Variants in ANKRD36 observed in about 807,000 individuals in gnomAD.
ANKRD36 encodes ankyrin repeat domain-containing protein 36A.
In ANKRD36, 179 loss-of-function variants were observed where a neutral mutation model predicts 278.1. That is an observed-to-expected ratio of 0.64 (90% CI 0.57 to 0.73). The LOEUF (loss-of-function observed/expected upper bound fraction) is 0.73, where lower values mean the gene tolerates loss of function less well. Ranked by LOEUF, ANKRD36 falls within the 30% of genes least tolerant of loss-of-function variation. The pLI, the probability that ANKRD36 is intolerant of heterozygous loss-of-function variation, is 0.00. For synonymous variants in ANKRD36, 320 were observed against 641.1 expected, an observed-to-expected ratio of 0.50 and a Z score of 7.57; for missense variants, 1,159 against 1,956.7, an observed-to-expected ratio of 0.59 and a Z score of 7.69.
chr2:97,160,360 T>G (rs2048573090), intron 17 of ANKRD36, among the ~76,000 whole-genome samples: 1 of 152,172 alleles, frequency 6.6e-6, no homozygotes, highest in Non-Finnish European at 1.5e-5. Context: ...GGAATATTAC[T>G]TTTTACTTTT....
chr2:97,171,350 A>G lies in ANKRD36; in HGVS notation c.1633+3583A>G, dbSNP rs1386023295. On this transcript the variant is annotated intron_variant, in intron 22 of 75. Transcript: ENST00000420699. The stretch of plus-strand genomic sequence containing the variant: ...GATTAAGAAAATGTGGCACATATAC[A>G]CCATGGAATACTATGCAGCCATAAA... Among the ~76,000 whole-genome samples the G allele has an allele frequency of 6.7e-4, 99 of 147,390 alleles. 1 individual carries two copies. The South Asian group carries it at 0.02, about 29-fold the overall frequency.
chr2:97,169,155 T>C (rs892238036), intron 22 of ANKRD36, among the ~76,000 whole-genome samples: 2 of 152,292 alleles, frequency 1.3e-5, no homozygotes, highest in Non-Finnish European at 2.9e-5. Flanking sequence ...CCATTCTAAC[T>C]GGCATAAGAT....
rs1297127981 is a variant in ANKRD36, at chr2:97,171,449, G to A, written c.1633+3682G>A. ...CATCATTCTCAGTAAACTATCGCAAGAACAAAAAACCAAACACCGCATATT... is the reference window on the plus strand; with the variant it reads ...CATCATTCTCAGTAAACTATCGCAAAAACAAAAAACCAAACACCGCATATT... On this transcript the variant is annotated intron_variant, in intron 22 of 75. Coordinates refer to ENST00000420699, the MANE Select transcript of ANKRD36 (RefSeq NM_001354587.1). Among the ~76,000 whole-genome samples, 8 of 142,182 alleles carry A rather than the reference G, an allele frequency of 5.6e-5. No individual in the cohort carries two copies. The East Asian group carries it at 6.3e-4, about 11-fold the overall frequency. 93.3% of individuals were successfully genotyped at this position (142,182 alleles called of 152,430 possible). A position where few individuals can be genotyped will look rare whatever the true frequency, so the allele number is the denominator to read the frequency against.
intron 48 of ANKRD36, among the ~76,000 whole-genome samples, chr2:97,203,789 T>C (rs2062038739): frequency 6.6e-6 from 1 of 151,816 alleles, no homozygotes; most frequent in Non-Finnish European, 1.5e-5. Flanking sequence ...TCCTCATCAC[T>C]CGGCATATCC....
intron 58 of ANKRD36, chr2:97,212,947 G>C (rs887802973): frequency 5.6e-5 from 17 of 305,530 alleles, no homozygotes; most frequent in Non-Finnish European, 9.1e-5. Context: ...TTCAACTGAA[G>C]TGTCATTGTA....
In ANKRD36 at chr2:97,200,214, C is replaced by G; in HGVS notation, c.2756-120C>G. The stretch of plus-strand genomic sequence containing the variant: ...CTGATCCCCAGACACAAAGTAGAAG[C>G]CATCAAAGCCTCCACTAATACAAGC... On this transcript the variant is annotated intron_variant, in intron 44 of 75. Transcript: ENST00000420699. 16 of 1,569,718 alleles carry G rather than the reference C, an allele frequency of 1.0e-5. No individual in the cohort carries two copies. The South Asian group carries it at 1.7e-4, about 17-fold the overall frequency.
In ANKRD36 at chr2:97,113,804, C is replaced by T. The variant is rs780112252; in HGVS notation, c.65C>T (p.Ala22Val). ...LMERLCSDGF[A>V]FPQYPIKPYH... ...GAGCGCTTGTGCTCGGATGGCTTCG[C>T]ATTTCCCCAATACCCCATTAAACCG... Residue 22 changes from alanine (A) to valine (V), a missense_variant, in exon 1 of 76, where the codon GCA (alanine) becomes GTA (valine). Ala to Val is a moderately conservative substitution (Grantham distance 64). Coordinates refer to ENST00000420699, the MANE Select transcript of ANKRD36 (RefSeq NM_001354587.1). 2.1e-5 allele frequency: 34 copies of T among 1,612,878 alleles called. No homozygotes were observed. The highest frequency in any genetic ancestry group is 1.2e-4 in the South Asian group (11 of 90,916).
At position 97,209,875 on chromosome 2, in the gene ANKRD36, A is replaced by G. The variant is rs1299053427; in HGVS notation, c.3367+3A>G. On this transcript the variant is annotated splice_donor_region_variant and intron_variant, in intron 56 of 75. Transcript: ENST00000420699. ...GGATGGAGAAAAATCTAGGACAGGT[A>G]ATTTTGAAAACAGATTTAATGTCAT... is the stretch of plus-strand genomic sequence containing the variant. 6.4e-7 allele frequency: 1 copy of G among 1,573,564 alleles called. No individual in the cohort carries two copies. The highest frequency in any genetic ancestry group is 8.6e-7 in the Non-Finnish European group (1 of 1,163,088).
At chr2:97,198,314 C>A in intron 42 of ANKRD36, 149 bp from the exon 43 acceptor site, 1 of 1,479,914 alleles carries the variant, frequency 6.8e-7, no homozygotes. Flanking sequence ...ATTTCTGTCA[C>A]GTTCTAGTCC....
chr2:97,244,171 G>C, intron 70 of ANKRD36, 142 bp downstream of exon 70: 1 of 1,126,534 alleles, frequency 8.9e-7, no homozygotes. Context: ...GGCATTTATA[G>C]CTATAATTAT....
intron 42 of ANKRD36, 132 bp from the exon 43 acceptor site, chr2:97,198,331 A>G: frequency 6.6e-7 from 1 of 1,519,170 alleles, no homozygotes; most frequent in Non-Finnish European, 8.9e-7. Context: ...GTCCCCAGAC[A>G]CAAAGTAGAA....
chr2:97,209,546 G>C lies in ANKRD36; in HGVS notation c.3266-135G>C, dbSNP rs537851031. The C allele has an allele frequency of 2.6e-6, 4 of 1,541,808 alleles. 1 individual carries two copies. The African/African-American group carries it at 6.2e-5, about 24-fold the overall frequency. ...TATTTCTGTCATGTTCTGATCCCCA[G>C]ACACAAAGTAGAAGCCATCAAAGCC... is the stretch of plus-strand genomic sequence containing the variant. On this transcript the variant is annotated intron_variant, in intron 54 of 75. Transcript: ENST00000420699.
In ANKRD36 at chr2:97,180,693, A is replaced by C. The variant is rs2055922825; in HGVS notation, c.1735+760A>C. On this transcript the variant is annotated intron_variant, in intron 24 of 75. Transcript: ENST00000420699. ...AATACATTGGCTTCCTTGTTCAAGG[A>C]GCTAACTCTTGGATAAAATAGGTAT... Among the ~76,000 whole-genome samples, 2 of 151,676 alleles carry C rather than the reference A, an allele frequency of 1.3e-5. 1 individual carries two copies. The highest frequency in any genetic ancestry group is 4.2e-4 in the South Asian group (2 of 4,784).
intron 16 of ANKRD36, 108 bp from the exon 17 acceptor site, chr2:97,158,480 G>C: frequency 3.4e-6 from 4 of 1,187,106 alleles, no homozygotes; most frequent in Non-Finnish European, 4.7e-6. Context: ...GCCTGCATTG[G>C]CCCCCCAAAC....
At chr2:97,143,906 AATGTAGGCAC>A (rs2043554317) in intron 8 of ANKRD36, among the ~76,000 whole-genome samples, 1 of 152,078 alleles carries the variant, frequency 6.6e-6, no homozygotes, top group African/African-American at 2.4e-5. Context: ...GGATCCAAGA[AATGTAGGCAC>A]ATTATGACAC....
chr2:97,117,604 C>T (rs2153403815), intron 1 of ANKRD36, among the ~76,000 whole-genome samples: 1 of 152,090 alleles, frequency 6.6e-6, no homozygotes, highest in East Asian at 1.9e-4. Flanking sequence ...TACATCTAAT[C>T]TTTAATAGAT....
chr2:97,148,602 C>T (rs567108145), intron 11 of ANKRD36, among the ~76,000 whole-genome samples: 5 of 152,360 alleles, frequency 3.3e-5, no homozygotes, highest in African/African-American at 9.6e-5. Flanking sequence ...TATATAATGA[C>T]GATAATTGGA....
intron 46 of ANKRD36, among the ~76,000 whole-genome samples, chr2:97,200,809 T>TGG (rs1558720875): frequency 6.6e-6 from 1 of 151,916 alleles, no homozygotes; most frequent in Non-Finnish European, 1.5e-5. Flanking sequence ...GCTTTAATTC[T>TGG]GTAGCATCTT....
At chr2:97,179,522 A>G (rs2055486511) in intron 22 of ANKRD36, among the ~76,000 whole-genome samples, 2 of 151,514 alleles carry the variant, frequency 1.3e-5, no homozygotes, top group Non-Finnish European at 3.0e-5. Context: ...TCACATATGA[A>G]ATTGTCAGTG....
Sources: allele counts gnomAD v4.1 joint callset (sites outside exome capture counted in the v4.1 genomes callset), GRCh38; gene constraint gnomAD v4.1.1; transcripts MANE v1.5; gene names NCBI Gene and HGNC (gene_info 2026-07-23, HGNC 2026-07-21).